The following YEATS2 variants were observed in gnomAD, a reference collection of about 807,000 sequenced individuals.
The protein encoded by YEATS2 is YEATS domain containing 2, also known as YEATS domain-containing protein 2.
In YEATS2, 77 loss-of-function variants were observed where a neutral mutation model predicts 163.2. That is an observed-to-expected ratio of 0.47 (90% confidence interval 0.39 to 0.57). The LOEUF (loss-of-function observed/expected upper bound fraction) is 0.57. YEATS2 is among the 20% of genes least tolerant of loss of function. The pLI is 0.00. For missense variants in YEATS2, 1,549 were observed against 1,729.8 expected (o/e 0.90, Z 1.85); for synonymous variants, 631 against 645.1 (o/e 0.98, Z 0.33).
chr3:183,807,117 C>G (rs1383158851), intron 28 of YEATS2, 25 bp downstream of exon 28: 1 of 1,593,348 alleles, frequency 6.3e-7, no homozygotes, highest in Non-Finnish European at 8.6e-7. Context: ...GTTAATAGTT[C>G]ATGCAGCAGA....
chr3:183,799,817 GT>G (rs71629992), intron 23 of YEATS2, among the ~76,000 whole-genome samples: 166 of 133,036 alleles, frequency 1.2e-3, no homozygotes, highest in Admixed American at 2.0e-3. Flanking sequence ...GAGTAGCATT[GT>G]TTTTTTTTTT....
intron 18 of YEATS2, among the ~76,000 whole-genome samples, chr3:183,776,437 C>T (rs994786062): frequency 5.9e-5 from 9 of 151,768 alleles, no homozygotes; most frequent in Non-Finnish European, 1.0e-4. Flanking sequence ...CCAGCTACTC[C>T]GAAGGTTGAG....
At chr3:183,730,048 G>GTTTGTTTGTTT (rs1560244221) in intron 7 of YEATS2, among the ~76,000 whole-genome samples, 9 of 20,820 alleles carry the variant, frequency 4.3e-4, no homozygotes, top group South Asian at 1.9e-3. Context: ...GTGGTTTTTT[G>GTTTGTTTGTTT]TTTGTTTTTT....
chr3:183,745,214 C>G (rs1719401384), intron 8 of YEATS2, among the ~76,000 whole-genome samples: 1 of 152,208 alleles, frequency 6.6e-6, no homozygotes, highest in African/African-American at 2.4e-5. Context: ...AATCCATCTC[C>G]TTTCTTCATA....
At chr3:183,779,710 T>C (rs535220748) in intron 19 of YEATS2, among the ~76,000 whole-genome samples, 3 of 151,986 alleles carry the variant, frequency 2.0e-5, no homozygotes, top group East Asian at 3.9e-4. Context: ...TTTTTATATA[T>C]TTTTTTGAGA....
chr3:183,710,088 C>T (rs948656968), intron 1 of YEATS2, among the ~76,000 whole-genome samples: 2 of 152,160 alleles, frequency 1.3e-5, no homozygotes, highest in African/African-American at 4.8e-5. Context: ...AGAGAAAATT[C>T]TTTCTCACAG....
intron 1 of YEATS2, among the ~76,000 whole-genome samples, chr3:183,700,363 T>G (rs1713928337): frequency 2.6e-5 from 4 of 152,140 alleles, no homozygotes; most frequent in Admixed American, 2.6e-4. Flanking sequence ...CTGTATTTTC[T>G]TAGAATAGAT....
At chr3:183,777,375 C>T (rs1269020210) in intron 18 of YEATS2, among the ~76,000 whole-genome samples, 167 bp from the exon 19 acceptor site, 1 of 152,216 alleles carries the variant, frequency 6.6e-6, no homozygotes, top group African/African-American at 2.4e-5. Context: ...GGAAGTAACA[C>T]TTAGAGCACA....
chr3:183,742,565 G>A (rs1232275649), intron 8 of YEATS2, among the ~76,000 whole-genome samples: 1 of 152,244 alleles, frequency 6.6e-6, no homozygotes, highest in Admixed American at 6.5e-5. Flanking sequence ...CTTAATGCAT[G>A]AGGATTTGCT....
At chr3:183,698,776 A>G (rs908488588) in intron 1 of YEATS2, among the ~76,000 whole-genome samples, 3 of 152,160 alleles carry the variant, frequency 2.0e-5, no homozygotes, top group African/African-American at 7.2e-5. Flanking sequence ...AAAATGCGGT[A>G]TAATATTATA....
chr3:183,793,459 G>C lies in YEATS2; in HGVS notation c.3097+2479G>C, dbSNP rs903117075. ...TGTGTTGGATACTGGAGTAGAAATT[G>C]TAGAAATAAAAGGAATTATTATAAT... On this transcript the variant is annotated intron_variant, in intron 21 of 30. Transcript: ENST00000305135. 6 of 984,224 alleles carry C rather than the reference G, an allele frequency of 6.1e-6. No homozygotes were observed. In the Admixed American group the frequency reaches 3.2e-4, roughly 52 times the overall value. 61.0% of individuals were successfully genotyped at this position (984,224 alleles called of 1,614,324 possible).
At chr3:183,799,035 T>C (rs1211239879) in intron 23 of YEATS2, 46 bp downstream of exon 23, 2 of 1,456,118 alleles carry the variant, frequency 1.4e-6, no homozygotes, top group Non-Finnish European at 1.9e-6. Context: ...TTTGTTACTT[T>C]TTTATTGTCG....
intron 20 of YEATS2, among the ~76,000 whole-genome samples, chr3:183,789,832 C>T (rs1184390820): frequency 6.6e-6 from 1 of 152,086 alleles, no homozygotes; most frequent in Non-Finnish European, 1.5e-5. Flanking sequence ...AGCCACTGCA[C>T]CTGGCCGCTC....
intron 15 of YEATS2, among the ~76,000 whole-genome samples, chr3:183,768,068 G>C (rs920226006): frequency 2.0e-5 from 3 of 152,222 alleles, no homozygotes; most frequent in Non-Finnish European, 2.9e-5. Flanking sequence ...TTTGAAGACT[G>C]CTATCTTAGT....
At chr3:183,729,214 G>T (rs1429408261) in intron 7 of YEATS2, among the ~76,000 whole-genome samples, 1 of 151,800 alleles carries the variant, frequency 6.6e-6, no homozygotes, top group African/African-American at 2.4e-5. Flanking sequence ...GGAGCTTGCA[G>T]TGAGCTGAGA....
rs142006436 is a variant in YEATS2, at chr3:183,764,635, G to A, written c.1947+2356G>A. Among the ~76,000 whole-genome samples the A allele has an allele frequency of 5.1e-4, 78 of 151,892 alleles. No homozygotes were observed. The East Asian group carries it at 0.011, about 21-fold the overall frequency. The stretch of plus-strand genomic sequence containing the variant: ...GATCAGGCCAACATAGTGAAACCCC[G>A]TCTATACTAAAAATACAAAAAATTA... On this transcript the variant is annotated intron_variant, in intron 15 of 30. Coordinates refer to ENST00000305135, the MANE Select transcript of YEATS2 (RefSeq NM_018023.5).
intron 18 of YEATS2, among the ~76,000 whole-genome samples, 156 bp downstream of exon 18, chr3:183,776,279 C>T (rs746311431): frequency 3.3e-5 from 5 of 152,144 alleles, no homozygotes; most frequent in Non-Finnish European, 7.3e-5. Context: ...TGTGGTAACT[C>T]ATGCCTGTAA....
chr3:183,749,100 G>T (rs1480981909), intron 9 of YEATS2, among the ~76,000 whole-genome samples: 1 of 152,016 alleles, frequency 6.6e-6, no homozygotes, highest in Admixed American at 6.6e-5. Flanking sequence ...CCGCCACCAC[G>T]CCCGGCTAAT....
intron 19 of YEATS2, among the ~76,000 whole-genome samples, chr3:183,780,734 C>G (rs986609702): frequency 1.3e-5 from 2 of 152,122 alleles, no homozygotes; most frequent in Non-Finnish European, 2.9e-5. Context: ...TAACATGTCT[C>G]TCAGCATTTA....
Sources: allele counts gnomAD v4.1 joint callset (sites outside exome capture counted in the v4.1 genomes callset), GRCh38; gene constraint gnomAD v4.1.1; transcripts MANE v1.5; gene names NCBI Gene and HGNC (gene_info 2026-07-23, HGNC 2026-07-21).